The following DGKB variants were observed in gnomAD, a reference collection of about 807,000 sequenced individuals.
DGKB encodes the protein diacylglycerol kinase beta, also known as 90 kDa diacylglycerol kinase.
DGKB carries 67 observed loss-of-function variants against 114.3 expected under a neutral mutation model. The ratio of observed to expected loss-of-function variants is 0.59; its 90% CI spans 0.48 to 0.72. DGKB has a LOEUF of 0.72. Among genes scored for constraint, DGKB ranks in the 30% least tolerant of loss-of-function variants. The pLI is 0.00. For synonymous variants in DGKB, 398 were observed against 323.1 expected, an observed-to-expected ratio of 1.23 and a Z score of -2.49; for missense variants, 907 against 975.2, an observed-to-expected ratio of 0.93 and a Z score of 0.93.
chr7:14,532,941 C>A (rs911053751), intron 20 of DGKB, among the ~76,000 whole-genome samples: 2 of 151,710 alleles, frequency 1.3e-5, no homozygotes, highest in African/African-American at 4.8e-5. Context: ...TGCAAATGGG[C>A]AGACACCATT....
intron 2 of DGKB, among the ~76,000 whole-genome samples, chr7:14,802,512 G>A (rs896406073): frequency 6.6e-6 from 1 of 152,004 alleles, no homozygotes; most frequent in Non-Finnish European, 1.5e-5. Flanking sequence ...TGTCTCTGAA[G>A]ATTTTAAAAA....
chr7:14,729,264 A>G (rs1347963226), intron 5 of DGKB, among the ~76,000 whole-genome samples: 3 of 148,158 alleles, frequency 2.0e-5, no homozygotes, highest in South Asian at 4.2e-4. Flanking sequence ...CTGGGACTAC[A>G]GGCGCCTGCC....
At chr7:14,861,356 A>G (rs1050500671) in intron 1 of DGKB, among the ~76,000 whole-genome samples, 1 of 152,020 alleles carries the variant, frequency 6.6e-6, no homozygotes, top group African/African-American at 2.4e-5. Flanking sequence ...ATATTTAAGA[A>G]GTTTCTGATA....
rs887235954 is a variant in DGKB at position 14,751,061 on chromosome 7, C to T, written c.168+2867G>A. Among the ~76,000 whole-genome samples, 11 of 152,054 alleles carry T rather than the reference C, an allele frequency of 7.2e-5. No individual in the cohort carries two copies. The Middle Eastern group carries it at 0.01, about 141-fold the overall frequency. On this transcript the variant is annotated intron_variant, in intron 4 of 25. Transcript: ENST00000402815. ...TCCTGACCCCCAAATGACTGGCCCA[C>T]GTTGGCCTCCCAAAGTGCTGGGATT...
intron 1 of DGKB, among the ~76,000 whole-genome samples, chr7:14,847,255 C>A (rs992577128): frequency 3.5e-5 from 5 of 143,732 alleles, no homozygotes; most frequent in Admixed American, 2.9e-4. Flanking sequence ...GGCGCCACTG[C>A]ACTCCAGCCT....
intron 2 of DGKB, among the ~76,000 whole-genome samples, chr7:14,758,884 A>AATAGATAG (rs76875239): frequency 0.039 from 5,677 of 145,134 alleles, 136 homozygotes; most frequent in East Asian, 0.08. Context: ...TGTGTGAAAC[A>AATAGATAG]ATAGATAGAT....
At chr7:14,475,689 A>G (rs1782059083) in intron 21 of DGKB, among the ~76,000 whole-genome samples, 1 of 152,120 alleles carries the variant, frequency 6.6e-6, no homozygotes, top group African/African-American at 2.4e-5. Flanking sequence ...AGGTTCATTC[A>G]TGACTCAAAT....
chr7:14,250,897 AT>A (rs1157309996), intron 23 of DGKB, among the ~76,000 whole-genome samples: 1 of 152,100 alleles, frequency 6.6e-6, no homozygotes, highest in Non-Finnish European at 1.5e-5. Flanking sequence ...TTCTTTGTCT[AT>A]TGTGACAGGT....
At chr7:14,151,743 T>C (rs1406173598) in intron 25 of DGKB, among the ~76,000 whole-genome samples, 1 of 152,124 alleles carries the variant, frequency 6.6e-6, no homozygotes, top group Non-Finnish European at 1.5e-5. Flanking sequence ...TTTTGTCTGT[T>C]GTTTATGGAA....
intron 1 of DGKB, among the ~76,000 whole-genome samples, chr7:14,872,946 G>C (rs999017109): frequency 6.6e-5 from 10 of 151,882 alleles, no homozygotes; most frequent in African/African-American, 2.4e-4. Flanking sequence ...ATAATCAAGA[G>C]AGTAAGAACA....
At chr7:14,301,731 CT>C (rs1359285877) in intron 23 of DGKB, among the ~76,000 whole-genome samples, 1 of 151,952 alleles carries the variant, frequency 6.6e-6, no homozygotes, top group African/African-American at 2.4e-5. Context: ...GCTTAGAAGA[CT>C]AATAAGAGAG....
chr7:14,685,504 G>T, intron 9 of DGKB, 142 bp from the exon 10 acceptor site: 1 of 632,246 alleles, frequency 1.6e-6, no homozygotes, highest in Non-Finnish European at 2.8e-6. Flanking sequence ...GATCACCGCA[G>T]AGCCTTTAGA....
chr7:14,674,105 GAAT>G (rs1318586284), intron 12 of DGKB, among the ~76,000 whole-genome samples: 1 of 152,004 alleles, frequency 6.6e-6, no homozygotes, highest in East Asian at 1.9e-4. Flanking sequence ...TGCGGTCCTA[GAAT>G]CTAACACTGC....
intron 21 of DGKB, among the ~76,000 whole-genome samples, chr7:14,377,447 T>C (rs1818672824): frequency 6.6e-6 from 1 of 152,206 alleles, no homozygotes; most frequent in African/African-American, 2.4e-5. Flanking sequence ...TGTTAAACTT[T>C]TTTTGATTTG....
chr7:14,491,418 T>G (rs1320226654), intron 20 of DGKB, among the ~76,000 whole-genome samples: 1 of 152,094 alleles, frequency 6.6e-6, no homozygotes, highest in African/African-American at 2.4e-5. Context: ...AATCTCTTTT[T>G]CTTTATAAAT....
At chr7:14,970,342 A>G (rs544739369) in intron 1 of DGKB, among the ~76,000 whole-genome samples, 6 of 152,250 alleles carry the variant, frequency 3.9e-5, no homozygotes, top group African/African-American at 1.4e-4. Context: ...AGGGAACTAG[A>G]CAATATAGCA....
In DGKB at chr7:14,599,856, T is replaced by C. The variant is rs543923908; in HGVS notation, c.1433+7578A>G. 5.3e-5 allele frequency among the ~76,000 whole-genome samples: 8 copies of C among 152,282 alleles called. No individual in the cohort carries two copies. In the South Asian group the frequency reaches 1.7e-3, roughly 32 times the overall value. Reference sequence around the variant, plus strand: ...AACTGCCTGGGGCTGGAGGTGAATTTGAGCCAGTAATTTTACTATGTACAC... The same window carrying C: ...AACTGCCTGGGGCTGGAGGTGAATTCGAGCCAGTAATTTTACTATGTACAC... On this transcript the variant is annotated intron_variant, in intron 17 of 25. Coordinates refer to ENST00000402815, the MANE Select transcript of DGKB (RefSeq NM_001350709.2).
chr7:14,493,819 G>A (rs549466071), intron 20 of DGKB, among the ~76,000 whole-genome samples: 84 of 151,756 alleles, frequency 5.5e-4, no homozygotes, highest in Non-Finnish European at 9.7e-4. Flanking sequence ...ACAGATAAAG[G>A]GGACTACTGT....
intron 21 of DGKB, among the ~76,000 whole-genome samples, chr7:14,375,487 G>C (rs1818329717): frequency 6.6e-6 from 1 of 152,184 alleles, no homozygotes; most frequent in Non-Finnish European, 1.5e-5. Context: ...ACAATTCAGA[G>C]AGAATAAAGT....
Sources: gnomAD v4.1 joint callset for allele counts (sites outside exome capture counted in the v4.1 genomes callset) on GRCh38, gnomAD v4.1.1 for gene constraint, MANE v1.5 for transcripts, NCBI Gene and HGNC (gene_info 2026-07-23, HGNC 2026-07-21) for gene names.